PTPRD: variants seen among roughly 807,000 people sequenced by gnomAD.
PTPRD encodes the protein receptor-type tyrosine-protein phosphatase delta.
A neutral mutation model predicts 214.5 loss-of-function variants in PTPRD; 34 were observed. That is an observed-to-expected ratio of 0.16 (90% CI 0.12 to 0.21). PTPRD has a LOEUF of 0.21. PTPRD is among the 10% of genes least tolerant of loss of function. The pLI is 1.00. For synonymous variants in PTPRD, 1,128 were observed against 845.7 expected (o/e 1.33, Z -5.79); for missense variants, 2,545 against 2,398.7 (o/e 1.06, Z -1.27).
chr9:10,091,444 G>A (rs898715035), intron 3 of PTPRD, among the ~76,000 whole-genome samples: 5 of 151,438 alleles, frequency 3.3e-5, no homozygotes, highest in Admixed American at 6.6e-5. Flanking sequence ...ATATTAGCAA[G>A]TAGAGTTATA....
chr9:9,477,733 T>C (rs2095167055), intron 8 of PTPRD, among the ~76,000 whole-genome samples: 1 of 152,158 alleles, frequency 6.6e-6, no homozygotes, highest in Non-Finnish European at 1.5e-5. Context: ...CTTATTACAT[T>C]ATATGGTGCA....
At chr9:9,386,933 C>G (rs16929238) in intron 9 of PTPRD, among the ~76,000 whole-genome samples, 4,944 of 152,160 alleles carry the variant, frequency 0.032, 296 homozygotes, top group African/African-American at 0.11. Flanking sequence ...ATGAAACAAC[C>G]CTTTATGCAA....
chr9:9,718,304 A>C (rs1300433763), intron 7 of PTPRD, among the ~76,000 whole-genome samples: 2 of 152,206 alleles, frequency 1.3e-5, no homozygotes, highest in African/African-American at 4.8e-5. Context: ...TCTCTATATG[A>C]AATTGTATGC....
At chr9:8,461,759 A>T (rs941649116) in intron 32 of PTPRD, among the ~76,000 whole-genome samples, 1 of 151,932 alleles carries the variant, frequency 6.6e-6, no homozygotes, top group Non-Finnish European at 1.5e-5. Context: ...CCAACTGCTC[A>T]TGCCCTGCTG....
intron 4 of PTPRD, among the ~76,000 whole-genome samples, chr9:9,949,211 AT>A (rs1448521224): frequency 1.3e-5 from 2 of 152,032 alleles, no homozygotes; most frequent in African/African-American, 4.8e-5. Flanking sequence ...TGAGTTTCTC[AT>A]TTTTTATATT....
At chr9:10,264,841 G>A (rs182947526) in intron 3 of PTPRD, among the ~76,000 whole-genome samples, 37 of 152,196 alleles carry the variant, frequency 2.4e-4, no homozygotes, top group East Asian at 1.6e-3. Flanking sequence ...TAATCCCCAC[G>A]TGTTGTGGGA....
intron 9 of PTPRD, among the ~76,000 whole-genome samples, chr9:9,188,605 G>A (rs2099933143): frequency 6.6e-6 from 1 of 152,032 alleles, no homozygotes; most frequent in Non-Finnish European, 1.5e-5. Flanking sequence ...GAAAAGGGAA[G>A]ACCCCTGACC....
chr9:9,438,731 T>C (rs1282717120), intron 8 of PTPRD, among the ~76,000 whole-genome samples: 4 of 152,160 alleles, frequency 2.6e-5, no homozygotes, highest in African/African-American at 9.6e-5. Flanking sequence ...AAAATTGCAA[T>C]TTGAGAAGAA....
intron 11 of PTPRD, among the ~76,000 whole-genome samples, chr9:8,911,884 T>C (rs1477888760): frequency 6.6e-6 from 1 of 152,070 alleles, no homozygotes; most frequent in Non-Finnish European, 1.5e-5. Context: ...AAAGAAGATA[T>C]ATGAATGATT....
chr9:8,632,570 G>GA (rs1383129165), intron 14 of PTPRD, among the ~76,000 whole-genome samples: 1 of 151,874 alleles, frequency 6.6e-6, no homozygotes, highest in Non-Finnish European at 1.5e-5. Context: ...GCCTAATTGG[G>GA]AATGTTCGTA....
intron 8 of PTPRD, among the ~76,000 whole-genome samples, chr9:9,572,559 A>G (rs1438219064): frequency 8.6e-6 from 1 of 115,720 alleles, no homozygotes; most frequent in Non-Finnish European, 1.9e-5. Flanking sequence ...GCATATATAT[A>G]TGTATATATA....
intron 6 of PTPRD, among the ~76,000 whole-genome samples, chr9:9,762,924 T>C (rs1222977582): frequency 1.3e-5 from 2 of 152,204 alleles, no homozygotes; most frequent in South Asian, 2.1e-4. Context: ...GGAAGTTCAA[T>C]ACCAAGGTGA....
In PTPRD at chr9:9,403,256, A is replaced by G. The variant is rs1238995114; in HGVS notation, c.-236-5774T>C. On this transcript the variant is annotated intron_variant, in intron 8 of 45. Transcript: ENST00000381196. ...CAGTAAGCTGACATTGTGCCACTAT[A>G]CTCCAGTCTAGGCGACAGAGGAATA... 1.5e-5 allele frequency among the ~76,000 whole-genome samples: 2 copies of G among 131,630 alleles called. 1 individual carries two copies. Among genetic ancestry groups the G allele is most frequent in the Non-Finnish European group, 3.1e-5 (2 of 64,084 alleles). The allele number at this position is 131,630 out of a possible 152,430, so 86.4% of individuals were successfully genotyped here.
intron 9 of PTPRD, among the ~76,000 whole-genome samples, chr9:9,313,241 G>A (rs1460825684): frequency 6.6e-6 from 1 of 152,076 alleles, no homozygotes; most frequent in African/African-American, 2.4e-5. Context: ...AACTGTATTT[G>A]AGAGGAGAGC....
chr9:10,516,254 AT>A (rs1476684687), intron 2 of PTPRD, among the ~76,000 whole-genome samples: 1 of 151,806 alleles, frequency 6.6e-6, no homozygotes, highest in African/African-American at 2.4e-5. Context: ...TTTAAAAAAA[AT>A]AATAGTCATC....
At chr9:9,658,854 C>T (rs567494138) in intron 7 of PTPRD, among the ~76,000 whole-genome samples, 39 of 152,026 alleles carry the variant, frequency 2.6e-4, no homozygotes, top group African/African-American at 9.4e-4. Context: ...GTTATTATTG[C>T]TTATATTGAA....
chr9:9,066,957 T>A (rs1423868583), intron 10 of PTPRD, among the ~76,000 whole-genome samples: 1 of 152,240 alleles, frequency 6.6e-6, no homozygotes, highest in Non-Finnish European at 1.5e-5. Flanking sequence ...TTAAAACTTG[T>A]CCTGGCTGGG....
intron 7 of PTPRD, among the ~76,000 whole-genome samples, chr9:9,579,221 T>C (rs1006736298): frequency 7.9e-5 from 12 of 152,118 alleles, no homozygotes; most frequent in African/African-American, 2.7e-4. Flanking sequence ...TGGTCCTCAT[T>C]AATAACTACA....
At chr9:10,098,412 G>A (rs1229076148) in intron 3 of PTPRD, among the ~76,000 whole-genome samples, 1 of 151,460 alleles carries the variant, frequency 6.6e-6, no homozygotes, top group African/African-American at 2.4e-5. Flanking sequence ...GTTAATGTGT[G>A]CAGCACACCA....
Sources: allele counts gnomAD v4.1 joint callset (sites outside exome capture counted in the v4.1 genomes callset), GRCh38; gene constraint gnomAD v4.1.1; transcripts MANE v1.5; gene names NCBI Gene and HGNC (gene_info 2026-07-23, HGNC 2026-07-21).